ZNF804A: variants seen among roughly 807,000 people sequenced by gnomAD.
ZNF804A encodes the protein zinc finger protein 804A.
Under a neutral mutation model 16.5 loss-of-function variants are expected in ZNF804A, and 2 were observed. That is an observed-to-expected ratio of 0.12 (90% confidence interval 0.05 to 0.38). ZNF804A has a LOEUF of 0.38. ZNF804A is among the 10% of genes least tolerant of loss of function. The pLI, the probability that ZNF804A is intolerant of heterozygous loss-of-function variation, is 0.99. For synonymous variants in ZNF804A, 534 were observed against 489.6 expected (o/e 1.09, Z -1.20); for missense variants, 1,473 against 1,390.7 (o/e 1.06, Z -0.94).
At chr2:184,906,136 A>T (rs1418044925) in intron 2 of ZNF804A, among the ~76,000 whole-genome samples, 1 of 152,168 alleles carries the variant, frequency 6.6e-6, no homozygotes, top group African/African-American at 2.4e-5. Context: ...AGACATTTTC[A>T]AGTCATTTGA....
intron 1 of ZNF804A, among the ~76,000 whole-genome samples, chr2:184,734,518 G>A (rs1214270058): frequency 1.3e-5 from 2 of 152,012 alleles, no homozygotes; most frequent in South Asian, 2.1e-4. Flanking sequence ...TTCCATTGTG[G>A]TCTGTGAGTA....
chr2:184,871,321 A>G (rs1229700695), intron 2 of ZNF804A, among the ~76,000 whole-genome samples: 5 of 151,512 alleles, frequency 3.3e-5, no homozygotes, highest in African/African-American at 1.2e-4. Context: ...TGGGAAGTGA[A>G]CTGTGGACAG....
intron 1 of ZNF804A, among the ~76,000 whole-genome samples, chr2:184,802,260 T>A (rs1694738581): frequency 6.6e-6 from 1 of 152,032 alleles, no homozygotes; most frequent in Admixed American, 6.6e-5. Flanking sequence ...TTACAGAGGG[T>A]TGAAATTGGG....
At chr2:184,740,334 A>T (rs1693693301) in intron 1 of ZNF804A, among the ~76,000 whole-genome samples, 1 of 152,200 alleles carries the variant, frequency 6.6e-6, no homozygotes, top group African/African-American at 2.4e-5. Context: ...AGCAAGGGAG[A>T]TGAGCAAGTT....
intron 1 of ZNF804A, among the ~76,000 whole-genome samples, chr2:184,657,027 T>C (rs887649589): frequency 6.6e-6 from 1 of 152,228 alleles, no homozygotes; most frequent in Non-Finnish European, 1.5e-5. Context: ...ATAGAAAACA[T>C]TTTTGTCTAT....
At chr2:184,615,105 T>C (rs1225286567) in intron 1 of ZNF804A, among the ~76,000 whole-genome samples, 3 of 152,358 alleles carry the variant, frequency 2.0e-5, no homozygotes, top group East Asian at 1.9e-4. Flanking sequence ...ATTGCAGCAC[T>C]ATTCACAATA....
At chr2:184,876,487 A>G (rs1684681756) in intron 2 of ZNF804A, among the ~76,000 whole-genome samples, 1 of 152,182 alleles carries the variant, frequency 6.6e-6, no homozygotes, top group African/African-American at 2.4e-5. Flanking sequence ...AATTAAAGAC[A>G]TACAGTTTGC....
At chr2:184,742,243 G>A (rs1208572192) in intron 1 of ZNF804A, among the ~76,000 whole-genome samples, 1 of 151,914 alleles carries the variant, frequency 6.6e-6, no homozygotes, top group Non-Finnish European at 1.5e-5. Flanking sequence ...AGCTTAAAGA[G>A]AGAAAAGCTG....
chr2:184,890,727 C>A (rs532235030), intron 2 of ZNF804A, among the ~76,000 whole-genome samples: 1 of 151,320 alleles, frequency 6.6e-6, no homozygotes, highest in South Asian at 2.1e-4. Flanking sequence ...GGTTTCCTTC[C>A]AAAATTAATT....
chr2:184,766,326 T>A (rs1024921464), intron 1 of ZNF804A, among the ~76,000 whole-genome samples: 3 of 152,110 alleles, frequency 2.0e-5, no homozygotes, highest in African/African-American at 7.2e-5. Context: ...ATCTGCAAGT[T>A]TTATATAGCA....
At chr2:184,773,688 GT>G (rs1212229616) in intron 1 of ZNF804A, among the ~76,000 whole-genome samples, 1 of 151,460 alleles carries the variant, frequency 6.6e-6, no homozygotes, top group Non-Finnish European at 1.5e-5. Context: ...AAGACTACAG[GT>G]TGGGTACAAT....
chr2:184,722,754 T>C (rs1693338397), intron 1 of ZNF804A, among the ~76,000 whole-genome samples: 1 of 152,008 alleles, frequency 6.6e-6, no homozygotes, highest in African/African-American at 2.4e-5. Context: ...ATTTATCTTT[T>C]CTAGATGTGA....
chr2:184,688,326 T>TTC (rs1180367100), intron 1 of ZNF804A, among the ~76,000 whole-genome samples: 3 of 144,018 alleles, frequency 2.1e-5, no homozygotes, highest in Non-Finnish European at 3.0e-5. Flanking sequence ...ATCTTTTTCT[T>TTC]TCTCTCTCTC....
intron 1 of ZNF804A, among the ~76,000 whole-genome samples, chr2:184,630,294 A>G (rs1284052419): frequency 6.6e-6 from 1 of 152,196 alleles, no homozygotes; most frequent in Non-Finnish European, 1.5e-5. Flanking sequence ...ACGGAAGTCC[A>G]GAGAGAGACT....
chr2:184,796,552 A>C (rs1015124980), intron 1 of ZNF804A, among the ~76,000 whole-genome samples: 1 of 149,856 alleles, frequency 6.7e-6, no homozygotes, highest in Admixed American at 6.6e-5. Flanking sequence ...TTTTTATTTC[A>C]GTAGTGTCAA....
Position 184,762,771 on chromosome 2 carries a change from A to G in ZNF804A, c.112-103598A>G, listed in dbSNP as rs138650627. On this transcript the variant is annotated intron_variant, in intron 1 of 3. Transcript: ENST00000302277. ...GTCTATTTTTATTTGCTATTTATCA[A>G]TGATGACCTTACAATCAATTCTGCC... 2.4e-3 allele frequency among the ~76,000 whole-genome samples: 367 copies of G among 152,232 alleles called. 2 individuals carry two copies. The highest frequency in any genetic ancestry group is 8.8e-3 in the Admixed American group (134 of 15,282).
chr2:184,599,036 G>A lies in ZNF804A; in HGVS notation c.77G>A (p.Arg26Gln), dbSNP rs1219885852. 1 of 1,613,948 alleles carries A rather than the reference G, an allele frequency of 6.2e-7. No homozygotes were observed. Among genetic ancestry groups the A allele is most frequent in the Non-Finnish European group, 8.5e-7 (1 of 1,179,842 alleles). ...TTTCGCAACATCAAGGGAGTTTTCCGGGGCCCTCTCAGCAAGAACGGGAAC... is the reference window on the plus strand; with the variant it reads ...TTTCGCAACATCAAGGGAGTTTTCCAGGGCCCTCTCAGCAAGAACGGGAAC... ...GHFRNIKGVF[R>Q]GPLSKNGNKT... The change falls in exon 1 of 4, where the codon CGG (arginine) becomes CAG (glutamine). Residue 26 changes from arginine to glutamine, a missense_variant. Coordinates refer to ENST00000302277, the MANE Select transcript of ZNF804A (RefSeq NM_194250.2).
intron 1 of ZNF804A, among the ~76,000 whole-genome samples, chr2:184,793,967 T>C (rs770604286): frequency 2.4e-4 from 37 of 152,272 alleles, no homozygotes; most frequent in Non-Finnish European, 8.8e-5. Flanking sequence ...TATCCACTCA[T>C]TGATTGATGG....
intron 1 of ZNF804A, among the ~76,000 whole-genome samples, chr2:184,822,793 A>G (rs1237518392): frequency 2.6e-5 from 4 of 152,182 alleles, no homozygotes; most frequent in Non-Finnish European, 5.9e-5. Flanking sequence ...CATTTAATAC[A>G]AATGTATACA....
Sources: gnomAD v4.1 joint callset for allele counts (sites outside exome capture counted in the v4.1 genomes callset) on GRCh38, gnomAD v4.1.1 for gene constraint, MANE v1.5 for transcripts, NCBI Gene and HGNC (gene_info 2026-07-23, HGNC 2026-07-21) for gene names.